ASTN2: variants seen among roughly 807,000 people sequenced by gnomAD.
ASTN2 encodes the protein astrotactin-2.
A neutral mutation model predicts 139.8 loss-of-function variants in ASTN2; 54 were observed. That is an observed-to-expected ratio of 0.39 (90% CI 0.31 to 0.48). ASTN2 has a LOEUF of 0.48. Among genes scored for constraint, ASTN2 ranks in the 20% least tolerant of loss-of-function variants. ASTN2 has a pLI of 0.95. For missense variants in ASTN2, 1,565 were observed against 1,725.1 expected, an observed-to-expected ratio of 0.91 and a Z score of 1.64; for synonymous variants, 756 against 719.5, an observed-to-expected ratio of 1.05 and a Z score of -0.81.
chr9:117,038,691 C>T (rs1407343144), intron 6 of ASTN2, among the ~76,000 whole-genome samples: 1 of 152,156 alleles, frequency 6.6e-6, no homozygotes, highest in Non-Finnish European at 1.5e-5. Flanking sequence ...GGTATGCCTT[C>T]TTTATTATAA....
At chr9:116,764,756 A>G (rs926510683) in intron 13 of ASTN2, among the ~76,000 whole-genome samples, 6 of 152,182 alleles carry the variant, frequency 3.9e-5, no homozygotes, top group African/African-American at 1.4e-4. Context: ...ATAAGCTTAC[A>G]TTAGTTGTTT....
chr9:117,413,373 G>C (rs1379705418), intron 1 of ASTN2, among the ~76,000 whole-genome samples: 1 of 152,236 alleles, frequency 6.6e-6, no homozygotes, highest in African/African-American at 2.4e-5. Flanking sequence ...AAAAGACCCG[G>C]GGAAGAAGAG....
At chr9:116,883,202 G>A (rs12336175) in intron 10 of ASTN2, among the ~76,000 whole-genome samples, 20,881 of 152,172 alleles carry the variant, frequency 0.14, 1,757 homozygotes, top group East Asian at 0.35. Flanking sequence ...TCCTGTGAAA[G>A]TTTAAAATCA....
At chr9:117,114,279 C>T (rs569414018) in intron 4 of ASTN2, among the ~76,000 whole-genome samples, 6 of 151,736 alleles carry the variant, frequency 4.0e-5, no homozygotes, top group East Asian at 1.9e-4. Context: ...AACTCATTAT[C>T]GAATGACACT....
At chr9:116,503,998 T>C (rs1587896313) in intron 19 of ASTN2, among the ~76,000 whole-genome samples, 1 of 152,142 alleles carries the variant, frequency 6.6e-6, no homozygotes, top group African/African-American at 2.4e-5. Context: ...CAGTGCCCAC[T>C]TCTGGACCTG....
chr9:117,388,202 T>A (rs1830450194), intron 1 of ASTN2, among the ~76,000 whole-genome samples: 1 of 152,256 alleles, frequency 6.6e-6, no homozygotes, highest in African/African-American at 2.4e-5. Flanking sequence ...GAGGTCCTAA[T>A]GAGCACATGT....
intron 10 of ASTN2, among the ~76,000 whole-genome samples, chr9:116,974,375 G>T (rs989960721): frequency 6.6e-6 from 1 of 152,094 alleles, no homozygotes; most frequent in Non-Finnish European, 1.5e-5. Flanking sequence ...GGGGCAGAAT[G>T]ATATGTAAGC....
intron 19 of ASTN2, among the ~76,000 whole-genome samples, chr9:116,571,399 C>T (rs1454867095): frequency 1.3e-5 from 2 of 152,200 alleles, no homozygotes; most frequent in African/African-American, 4.8e-5. Flanking sequence ...CCATCTTTCA[C>T]AACCCTTTCT....
intron 1 of ASTN2, among the ~76,000 whole-genome samples, chr9:117,405,084 G>A (rs1401713102): frequency 1.3e-5 from 2 of 152,180 alleles, no homozygotes; most frequent in Admixed American, 6.5e-5. Context: ...TCAGCTCCTG[G>A]CAGCACAGAA....
chr9:116,605,625 G>A (rs1855153252), intron 19 of ASTN2, among the ~76,000 whole-genome samples: 1 of 152,014 alleles, frequency 6.6e-6, no homozygotes, highest in Admixed American at 6.6e-5. Context: ...TGGAACTTTA[G>A]GGATTCACAG....
At chr9:116,949,293 G>A (rs1196676501) in intron 10 of ASTN2, among the ~76,000 whole-genome samples, 2 of 152,100 alleles carry the variant, frequency 1.3e-5, no homozygotes, top group South Asian at 2.1e-4. Flanking sequence ...TGATATGTCA[G>A]TCCCAGTGCT....
chr9:116,976,838 C>A, intron 7 of ASTN2, 53 bp from the exon 8 acceptor site: 1 of 1,537,126 alleles, frequency 6.5e-7, no homozygotes, highest in Non-Finnish European at 9.0e-7. Flanking sequence ...CCCAAATAGG[C>A]TTTTCTCTGG....
intron 7 of ASTN2, among the ~76,000 whole-genome samples, chr9:116,981,399 C>T (rs1836509858): frequency 6.6e-6 from 1 of 152,030 alleles, no homozygotes; most frequent in African/African-American, 2.4e-5. Flanking sequence ...AGGTATTTGC[C>T]AAGGAAACAA....
chr9:117,039,229 C>T (rs532811073), intron 6 of ASTN2, among the ~76,000 whole-genome samples: 1 of 152,240 alleles, frequency 6.6e-6, no homozygotes, highest in Non-Finnish European at 1.5e-5. Flanking sequence ...TACACACACA[C>T]CATGGAATAC....
At chr9:117,357,788 C>T (rs1829582980) in intron 1 of ASTN2, among the ~76,000 whole-genome samples, 2 of 152,048 alleles carry the variant, frequency 1.3e-5, no homozygotes, top group South Asian at 2.1e-4. Flanking sequence ...AATTTACAAA[C>T]GTTACTTCTC....
intron 5 of ASTN2, among the ~76,000 whole-genome samples, chr9:117,093,922 G>T (rs1173229003): frequency 6.6e-6 from 1 of 151,982 alleles, no homozygotes; most frequent in Non-Finnish European, 1.5e-5. Context: ...TCCCTTCCTT[G>T]TTGTCTCCTT....
At chr9:117,015,493 A>T (rs897081875) in intron 6 of ASTN2, among the ~76,000 whole-genome samples, 1 of 152,172 alleles carries the variant, frequency 6.6e-6, no homozygotes, top group South Asian at 2.1e-4. Context: ...AGTTCTATCA[A>T]TGGACCCCCT....
At chr9:116,963,525 A>G (rs751635833) in intron 10 of ASTN2, among the ~76,000 whole-genome samples, 4 of 152,160 alleles carry the variant, frequency 2.6e-5, no homozygotes, top group Non-Finnish European at 5.9e-5. Context: ...CCCAATTGGT[A>G]CAGCGGTTGG....
chr9:117,221,227 G>A (rs568545407), intron 2 of ASTN2, among the ~76,000 whole-genome samples: 30 of 151,952 alleles, frequency 2.0e-4, no homozygotes, highest in Middle Eastern at 3.4e-3. Context: ...GTTTTCTTAC[G>A]TACACAACCT....
Sources: allele counts gnomAD v4.1 joint callset (sites outside exome capture counted in the v4.1 genomes callset), GRCh38; gene constraint gnomAD v4.1.1; transcripts MANE v1.5; gene names NCBI Gene and HGNC (gene_info 2026-07-23, HGNC 2026-07-21).